Variants in MS4A7 observed in about 807,000 individuals in gnomAD.
The protein encoded by MS4A7 is membrane spanning 4-domains A7.
MS4A7 carries 21 observed loss-of-function variants against 23.5 expected under a neutral mutation model. The ratio of observed to expected loss-of-function variants is 0.89; its 90% confidence interval spans 0.63 to 1.29. The LOEUF (loss-of-function observed/expected upper bound fraction) is 1.29, where lower values mean the gene tolerates loss of function less well. MS4A7 is among the 50% of genes most tolerant of loss of function. MS4A7 has a pLI of 0.00. For synonymous variants in MS4A7, 111 were observed against 107.4 expected, an observed-to-expected ratio of 1.03 and a Z score of -0.21; for missense variants, 263 against 274.2, an observed-to-expected ratio of 0.96 and a Z score of 0.29.
intron 5 of MS4A7, chr11:60,389,830 CA>C (rs2085532573): frequency 3.9e-6 from 2 of 517,658 alleles, no homozygotes; most frequent in East Asian, 6.9e-5. Context: ...TCTATCCCTC[CA>C]CTGGTCTTTC....
At chr11:60,383,819 T>A (rs1446365982) in intron 2 of MS4A7, among the ~76,000 whole-genome samples, 1 of 152,242 alleles carries the variant, frequency 6.6e-6, no homozygotes, top group Non-Finnish European at 1.5e-5. Flanking sequence ...ATTACAGGCA[T>A]GAGCCACTGT....
Position 60,383,267 on chromosome 11 carries a change from A to T in MS4A7, c.126A>T (p.Pro42=). ...AAGATTACCTGCAGAACGGGCTGCC[A>T]ACAGAAACCACCGTTCTTGGGGTAA... The part of the protein sequence containing the change: ...QNEDYLQNGL[P]TETTVLGTVQ... Residue 42 remains proline, a synonymous_variant, in exon 2 of 7, where the codon CCA becomes CCT. Transcript: ENST00000300184. 2 of 1,614,156 alleles carry T rather than the reference A, an allele frequency of 1.2e-6. No homozygotes were observed. The highest frequency in any genetic ancestry group is 1.7e-6 in the Non-Finnish European group (2 of 1,180,006).
At chr11:60,387,983 G>A (rs888847273) in intron 4 of MS4A7, among the ~76,000 whole-genome samples, 20 of 152,206 alleles carry the variant, frequency 1.3e-4, no homozygotes, top group Admixed American at 1.3e-3. Flanking sequence ...CTCTGTGCGA[G>A]GTTTCCAGCA....
At chr11:60,382,602 G>A (rs763871335) in intron 1 of MS4A7, among the ~76,000 whole-genome samples, 11 of 152,162 alleles carry the variant, frequency 7.2e-5, no homozygotes, top group Non-Finnish European at 1.3e-4. Context: ...GGAAGATTCC[G>A]GATGGGACAG....
intron 4 of MS4A7, among the ~76,000 whole-genome samples, chr11:60,388,669 T>A (rs2085516329): frequency 6.6e-6 from 1 of 152,216 alleles, no homozygotes; most frequent in African/African-American, 2.4e-5. Flanking sequence ...AAAGGCTTTA[T>A]AGCTGCTTCC....
At chr11:60,393,499 T>C (rs911515079) in intron 6 of MS4A7, among the ~76,000 whole-genome samples, 1 of 152,206 alleles carries the variant, frequency 6.6e-6, no homozygotes, top group African/African-American at 2.4e-5. Flanking sequence ...TAGCTCTTGA[T>C]GTTATAATTT....
At chr11:60,389,766 TG>T (rs1399080945) in intron 5 of MS4A7, 170 bp downstream of exon 5, 3 of 637,214 alleles carry the variant, frequency 4.7e-6, no homozygotes, top group Non-Finnish European at 5.7e-6. Flanking sequence ...CTGCATGGTG[TG>T]GGGGATGTAC....
chr11:60,381,593 G>T (rs1410579682), intron 1 of MS4A7, among the ~76,000 whole-genome samples: 1 of 152,200 alleles, frequency 6.6e-6, no homozygotes, highest in African/African-American at 2.4e-5. Flanking sequence ...GGAAACTGGG[G>T]ATGAATGAGG....
intron 1 of MS4A7, among the ~76,000 whole-genome samples, chr11:60,380,647 G>A (rs902095707): frequency 1.3e-5 from 2 of 152,234 alleles, no homozygotes; most frequent in African/African-American, 4.8e-5. Flanking sequence ...TGGTGACGAA[G>A]ACTAGTAGGA....
In MS4A7 at chr11:60,389,440, A is replaced by G; in HGVS notation, c.390A>G (p.Ala130=). The G allele has an allele frequency of 1.2e-6, 2 of 1,614,056 alleles. No homozygotes were observed. The highest frequency in any genetic ancestry group is 3.3e-4 in the Middle Eastern group (2 of 6,058). Residue 130 remains alanine (A), a synonymous_variant, in exon 5 of 7, where the codon GCA becomes GCG. Transcript: ENST00000300184. ...CAGTGAGTTCTGTTACTGCAGGAGC[A>G]GGCCTCTTCCTCCTTGCTGACAGCA... ...SNAVSSVTAG[A]GLFLLADSMV...
chr11:60,390,681 T>C (rs1022068116), intron 5 of MS4A7, among the ~76,000 whole-genome samples: 20 of 152,088 alleles, frequency 1.3e-4, no homozygotes, highest in Admixed American at 3.9e-4. Context: ...ATTGGGGGTT[T>C]AATTTAAAGA....
rs1184714167 is a variant in MS4A7, at chr11:60,394,966, T to C, written c.*1105T>C. On this transcript the variant is annotated 3_prime_UTR_variant, in exon 7 of 7. Transcript: ENST00000300184. ...TTCAGGGTAGGAGTCAATGAAGACA[T>C]CTTAGTCTTAACAAGTTACAGATAA... The C allele has an allele frequency of 4.5e-6, 3 of 666,454 alleles. No individual in the cohort carries two copies. The highest frequency in any genetic ancestry group is 4.1e-5 in the Admixed American group (2 of 48,822). The allele number at this position is 666,454 out of a possible 1,614,324, so 41.3% of individuals were successfully genotyped here.
chr11:60,386,540 C>T, intron 3 of MS4A7, 177 bp from the exon 4 acceptor site: 4 of 524,440 alleles, frequency 7.6e-6, no homozygotes, highest in Non-Finnish European at 1.4e-5. Flanking sequence ...TCAATATAGA[C>T]ATTCTTATAT....
intron 6 of MS4A7, among the ~76,000 whole-genome samples, chr11:60,393,139 G>T (rs1040730272): frequency 1.3e-5 from 2 of 151,912 alleles, no homozygotes; most frequent in African/African-American, 4.8e-5. Context: ...AAAAGAGTTT[G>T]TATAAATGGG....
At chr11:60,393,657 G>A in intron 6 of MS4A7, 130 bp from the exon 7 acceptor site, 1 of 512,240 alleles carries the variant, frequency 2.0e-6, no homozygotes, top group Non-Finnish European at 3.4e-6. Flanking sequence ...TAATATTGCT[G>A]CAATTACATA....
chr11:60,392,053 A>C (rs2085558466), intron 5 of MS4A7, among the ~76,000 whole-genome samples: 3 of 152,216 alleles, frequency 2.0e-5, no homozygotes, highest in African/African-American at 7.2e-5. Context: ...GAAATTAAAA[A>C]CTGAGCAGAT....
intron 1 of MS4A7, among the ~76,000 whole-genome samples, chr11:60,381,201 C>T (rs968751484): frequency 1.3e-5 from 2 of 152,174 alleles, no homozygotes; most frequent in African/African-American, 2.4e-5. Context: ...CCTTCTCTGG[C>T]TTTAAAGATG....
At chr11:60,380,809 G>A (rs1460180128) in intron 1 of MS4A7, among the ~76,000 whole-genome samples, 1 of 152,230 alleles carries the variant, frequency 6.6e-6, no homozygotes, top group East Asian at 1.9e-4. Flanking sequence ...TGGAACTGAT[G>A]AGTGGCAGCC....
Position 60,392,693 on chromosome 11 carries a change from A to G in MS4A7, c.555A>G (p.Leu185=). The change falls in exon 6 of 7, where the codon CTA becomes CTG. Residue 185 remains leucine, a synonymous_variant. Transcript: ENST00000300184. ...CATGTCCTGATTTGCAGGGTGTCCT[A>G]GTGGTGATGCTCATCTTCACTGTGC... is the stretch of plus-strand genomic sequence containing the variant. ...LLTSVSLTGV[L]VVMLIFTVLE... is the part of the protein sequence containing the mutation. 1.2e-6 allele frequency: 2 copies of G among 1,613,410 alleles called. No individual in the cohort carries two copies. Among genetic ancestry groups the G allele is most frequent in the Non-Finnish European group, 1.7e-6 (2 of 1,179,652 alleles).
Sources: allele counts gnomAD v4.1 joint callset (sites outside exome capture counted in the v4.1 genomes callset), GRCh38; gene constraint gnomAD v4.1.1; transcripts MANE v1.5; gene names NCBI Gene and HGNC (gene_info 2026-07-23, HGNC 2026-07-21).